Variants in NFAT5 observed in about 807,000 individuals in gnomAD.
NFAT5 encodes nuclear factor of activated T cells 5, also known as nuclear factor of activated T-cells 5.
A neutral mutation model predicts 166.5 loss-of-function variants in NFAT5; 31 were observed. The ratio of observed to expected loss-of-function variants is 0.19; its 90% CI spans 0.14 to 0.25. NFAT5 has a LOEUF of 0.25. NFAT5 is among the 10% of genes least tolerant of loss of function. The probability of loss-of-function intolerance (pLI) is 1.00; values close to 1 mark genes in which losing one functional copy is unlikely to be tolerated. For missense variants in NFAT5, 1,449 were observed against 1,821.8 expected, an observed-to-expected ratio of 0.80 and a Z score of 3.72; for synonymous variants, 612 against 639.7, an observed-to-expected ratio of 0.96 and a Z score of 0.65.
intron 3 of NFAT5, among the ~76,000 whole-genome samples, chr16:69,640,750 G>A (rs1267042910): frequency 6.6e-6 from 1 of 152,010 alleles, no homozygotes; most frequent in Non-Finnish European, 1.5e-5. Flanking sequence ...GGGAGGCTGA[G>A]GCAGGCGGAT....
rs1405820226 is a variant in NFAT5, at chr16:69,703,424, G to A, written c.*7073G>A. The A allele has an allele frequency of 6.6e-6, 1 of 152,560 alleles. No individual in the cohort carries two copies. The highest frequency in any genetic ancestry group is 1.5e-5 in the Non-Finnish European group (1 of 68,018). 9.5% of individuals were successfully genotyped at this position (152,560 alleles called of 1,614,324 possible). On this transcript the variant is annotated 3_prime_UTR_variant, in exon 15 of 15. Transcript: ENST00000349945. ...AATTTGGGCATTTCTCGTTTCTCAA[G>A]TGTATGCATCATGGTAAATATAAAC...
chr16:69,623,991 TC>T (rs2034326597), intron 2 of NFAT5, among the ~76,000 whole-genome samples: 1 of 151,990 alleles, frequency 6.6e-6, no homozygotes, highest in South Asian at 2.1e-4. Flanking sequence ...CCTCAGGTGA[TC>T]CACCCGCCTC....
At chr16:69,627,211 G>A (rs778995236) in intron 3 of NFAT5, among the ~76,000 whole-genome samples, 19 of 150,544 alleles carry the variant, frequency 1.3e-4, no homozygotes, top group Non-Finnish European at 2.2e-4. Flanking sequence ...CAAGCTAATA[G>A]AAAAAAGTGT....
intron 11 of NFAT5, among the ~76,000 whole-genome samples, chr16:69,688,202 C>CAAAAAAAAAAAAAAAAAAAAAAA (rs1188158260): frequency 6.1e-5 from 3 of 49,506 alleles, no homozygotes; most frequent in South Asian, 9.0e-4. Context: ...GACTCCGTCT[C>CAAAAAAAAAAAAAAAAAAAAAAA]AAAAAAAAAA....
Position 69,692,761 on chromosome 16 carries a change from T to A in NFAT5, c.2936T>A (p.Val979Asp). 6.2e-7 allele frequency: 1 copy of A among 1,614,186 alleles called. No individual in the cohort carries two copies. Among genetic ancestry groups the A allele is most frequent in the Non-Finnish European group, 8.5e-7 (1 of 1,180,024 alleles). ...GAATTGTTTTCTTCTCCTCCTGCAG[T>A]TTCTGGAAATGAAACTTCTACAACT... ...QCELFSSPPA[V>D]SGNETSTTTT... The change falls in exon 13 of 15, where the codon GTT (valine) becomes GAT (aspartate). Residue 979 changes from valine to aspartate, a missense_variant. Transcript: ENST00000349945.
intron 2 of NFAT5, among the ~76,000 whole-genome samples, chr16:69,587,851 A>G (rs551487194): frequency 6.6e-6 from 1 of 151,872 alleles, no homozygotes; most frequent in Non-Finnish European, 1.5e-5. Context: ...ACATTTGTTT[A>G]CTGGTAAAAT....
Position 69,637,378 on chromosome 16 carries a change from A to AT in NFAT5, c.254-9644dup, listed in dbSNP as rs554078088. On this transcript the variant is annotated intron_variant, in intron 3 of 14. Coordinates refer to ENST00000349945, the MANE Select transcript of NFAT5 (RefSeq NM_138713.4). ...CAAAGTCACTTCTACATTTTCTGGTATTTTTTCAGCAACACCCCACTCCTG... is the reference window on the plus strand; with the variant it reads ...CAAAGTCACTTCTACATTTTCTGGTATTTTTTTCAGCAACACCCCACTCCTG... Among the ~76,000 whole-genome samples the AT allele has an allele frequency of 7.4e-4, 112 of 152,120 alleles. 1 individual carries two copies. In the East Asian group the frequency reaches 0.016, roughly 22 times the overall value.
At position 69,647,199 on chromosome 16, in the gene NFAT5, T is replaced by C; in HGVS notation, c.425T>C (p.Leu142Ser). 6.2e-7 allele frequency: 1 copy of C among 1,614,066 alleles called. No individual in the cohort carries two copies. Among genetic ancestry groups the C allele is most frequent in the Non-Finnish European group, 8.5e-7 (1 of 1,179,954 alleles). The change falls in exon 4 of 15, where the codon TTA becomes TCA. Residue 142 changes from leucine (L) to serine (S), a missense_variant. Coordinates refer to ENST00000349945, the MANE Select transcript of NFAT5 (RefSeq NM_138713.4). The surrounding 1 kb of genome is among the most constrained non-coding windows in gnomAD (Gnocchi z 4.8). ...VSNRGVSEKQLTSNTVQQHPS... is the reference protein window; with the variant it reads ...VSNRGVSEKQSTSNTVQQHPS... ...AACAGAGGGGTAAGTGAAAAGCAGTTAACCAGTAACACAGTTCAGCAGCAT... is the reference window on the plus strand; with the variant it reads ...AACAGAGGGGTAAGTGAAAAGCAGTCAACCAGTAACACAGTTCAGCAGCAT...
In NFAT5 at chr16:69,688,127, C is replaced by T. The variant is rs567197932; in HGVS notation, c.1775-2813C>T. On this transcript the variant is annotated intron_variant, in intron 11 of 14. Coordinates refer to ENST00000349945, the MANE Select transcript of NFAT5 (RefSeq NM_138713.4). The stretch of plus-strand genomic sequence containing the variant: ...AGGAGAATGGCGTGAACCCGGGAAG[C>T]GGAGCTTGCAGTGAGCCGAGATTGC... Among the ~76,000 whole-genome samples the T allele has an allele frequency of 1.2e-3, 170 of 144,514 alleles. 2 individuals carry two copies. The highest frequency in any genetic ancestry group is 1.9e-3 in the Non-Finnish European group (128 of 66,568). 94.8% of individuals were successfully genotyped at this position (144,514 alleles called of 152,430 possible). A position where few individuals can be genotyped will look rare whatever the true frequency, so the allele number is the denominator to read the frequency against.
At chr16:69,675,222 T>A (rs2036784607) in intron 9 of NFAT5, among the ~76,000 whole-genome samples, 1 of 152,240 alleles carries the variant, frequency 6.6e-6, no homozygotes, top group Non-Finnish European at 1.5e-5. Flanking sequence ...TGCATCTGAT[T>A]TGTAGACACT....
At chr16:69,617,503 T>C (rs1397531131) in intron 2 of NFAT5, among the ~76,000 whole-genome samples, 5 of 151,822 alleles carry the variant, frequency 3.3e-5, no homozygotes, top group Admixed American at 2.0e-4. Flanking sequence ...TTCTTTTTTT[T>C]TTTTTGAGAC....
intron 2 of NFAT5, among the ~76,000 whole-genome samples, chr16:69,606,029 T>C (rs930012628): frequency 1.2e-4 from 18 of 152,204 alleles, no homozygotes; most frequent in Admixed American, 1.0e-3. Flanking sequence ...TTTCTTTTAA[T>C]AGGAATGTTT....
At chr16:69,636,327 A>G (rs2034964566) in intron 3 of NFAT5, among the ~76,000 whole-genome samples, 1 of 152,096 alleles carries the variant, frequency 6.6e-6, no homozygotes, top group South Asian at 2.1e-4. Context: ...CAGCTTTTCT[A>G]GGTGCATGAT....
chr16:69,596,102 A>G (rs1373529380), intron 2 of NFAT5, among the ~76,000 whole-genome samples: 2 of 152,206 alleles, frequency 1.3e-5, no homozygotes, highest in Admixed American at 1.3e-4. Context: ...TGGAAAGCAA[A>G]ACCATGGATA....
rs867129468 is a variant in NFAT5 at position 69,688,202 on chromosome 16, C to T, written c.1775-2738C>T. Among the ~76,000 whole-genome samples, 219 of 49,516 alleles carry T rather than the reference C, an allele frequency of 4.4e-3. 1 individual carries two copies. Among genetic ancestry groups the T allele is most frequent in the Non-Finnish European group, 5.3e-3 (126 of 23,750 alleles). The allele number at this position is 49,516 out of a possible 152,430, so 32.5% of individuals were successfully genotyped here. ...TGGGCGACAGAGCGAGACTCCGTCT[C>T]AAAAAAAAAAAAAAAAAAAAAAAAC... On this transcript the variant is annotated intron_variant, in intron 11 of 14. Coordinates refer to ENST00000349945, the MANE Select transcript of NFAT5 (RefSeq NM_138713.4).
chr16:69,667,386 A>G (rs537121520), intron 7 of NFAT5, among the ~76,000 whole-genome samples: 76 of 152,186 alleles, frequency 5.0e-4, no homozygotes, highest in African/African-American at 1.6e-3. Flanking sequence ...AAACTGTATA[A>G]TATGTGGGAT....
intron 2 of NFAT5, among the ~76,000 whole-genome samples, chr16:69,615,070 G>T (rs1405277931): frequency 6.9e-6 from 1 of 145,904 alleles, no homozygotes; most frequent in Non-Finnish European, 1.5e-5. Context: ...TTGAGATGGA[G>T]TCTCACTGTT....
In NFAT5 at chr16:69,692,166, C is replaced by G. The variant is rs535022014; in HGVS notation, c.2341C>G (p.Pro781Ala). The change falls in exon 13 of 15, where the codon CCA becomes GCA. Residue 781 changes from proline to alanine, a missense_variant. Transcript: ENST00000349945. ...GCAGCAGATTTCATCAAATATTTTT[C>G]CATCACCAAATAGTGTGAGTCAGCT... is the stretch of plus-strand genomic sequence containing the variant. Reference protein sequence around the residue: ...LQQQISSNIFPSPNSVSQLQN... With the variant: ...LQQQISSNIFASPNSVSQLQN... The G allele has an allele frequency of 1.2e-6, 2 of 1,614,194 alleles. No individual in the cohort carries two copies. The highest frequency in any genetic ancestry group is 4.5e-5 in the East Asian group (2 of 44,888).
Position 69,696,527 on chromosome 16 carries a change from A to C in NFAT5, c.*176A>C, listed in dbSNP as rs556752115. ...ACCTATGCTGCTTGTTGCAGTAACTAACCACCAATGTTAACATCTTCATAT... is the reference window on the plus strand; with the variant it reads ...ACCTATGCTGCTTGTTGCAGTAACTCACCACCAATGTTAACATCTTCATAT... On this transcript the variant is annotated 3_prime_UTR_variant, in exon 15 of 15. Coordinates refer to ENST00000349945, the MANE Select transcript of NFAT5 (RefSeq NM_138713.4). The C allele has an allele frequency of 1.3e-5, 2 of 152,722 alleles. No individual in the cohort carries two copies. The highest frequency in any genetic ancestry group is 4.1e-4 in the South Asian group (2 of 4,826). The allele number at this position is 152,722 out of a possible 1,614,324, so 9.5% of individuals were successfully genotyped here.
Sources: gnomAD v4.1 joint callset for allele counts (sites outside exome capture counted in the v4.1 genomes callset) on GRCh38, gnomAD v4.1.1 for gene constraint, Gnocchi (gnomAD v3.1) non-coding constraint, MANE v1.5 for transcripts, NCBI Gene and HGNC (gene_info 2026-07-23, HGNC 2026-07-21) for gene names.